ASAP1: variants seen among roughly 807,000 people sequenced by gnomAD.
ASAP1 encodes the protein ArfGAP with SH3 domain, ankyrin repeat and PH domain 1.
Under a neutral mutation model 145.2 loss-of-function variants are expected in ASAP1, and 43 were observed. The observed-to-expected ratio is 0.30, with a 90% CI of 0.23 to 0.38. The LOEUF (loss-of-function observed/expected upper bound fraction) is 0.38, where lower values mean the gene tolerates loss of function less well. ASAP1 is among the 10% of genes least tolerant of loss of function. The pLI is 1.00. For synonymous variants in ASAP1, 546 were observed against 515.5 expected, an observed-to-expected ratio of 1.06 and a Z score of -0.80; for missense variants, 1,018 against 1,355.3, an observed-to-expected ratio of 0.75 and a Z score of 3.91.
intron 28 of ASAP1, among the ~76,000 whole-genome samples, chr8:130,058,746 G>A (rs2097410288): frequency 6.6e-6 from 1 of 152,070 alleles, no homozygotes; most frequent in Non-Finnish European, 1.5e-5. Flanking sequence ...CTGGCTAATT[G>A]GCAATTTTAA....
At chr8:130,187,932 G>A (rs1814850407) in intron 6 of ASAP1, among the ~76,000 whole-genome samples, 177 bp downstream of exon 6, 1 of 152,022 alleles carries the variant, frequency 6.6e-6, no homozygotes, top group African/African-American at 2.4e-5. Context: ...TCATTCCTCT[G>A]TCAATACCAT....
intron 13 of ASAP1, among the ~76,000 whole-genome samples, chr8:130,150,133 A>T (rs771041381): frequency 6.6e-6 from 1 of 152,236 alleles, no homozygotes; most frequent in Admixed American, 6.5e-5. Context: ...TGTGTTAAAT[A>T]CTTTTCTCAA....
At chr8:130,422,551 G>A (rs1347200883) in intron 1 of ASAP1, among the ~76,000 whole-genome samples, 1 of 152,094 alleles carries the variant, frequency 6.6e-6, no homozygotes, top group Non-Finnish European at 1.5e-5. Context: ...AGCTGTCTCT[G>A]TCAAGATTCC....
chr8:130,434,804 A>T (rs1054870102), intron 1 of ASAP1, among the ~76,000 whole-genome samples: 8 of 152,138 alleles, frequency 5.3e-5, no homozygotes, highest in African/African-American at 1.9e-4. Flanking sequence ...TCCTGAGGGA[A>T]CTTCTAGGGG....
At chr8:130,256,739 TTATA>T (rs58245112) in intron 3 of ASAP1, among the ~76,000 whole-genome samples, 1,290 of 95,734 alleles carry the variant, frequency 0.013, 21 homozygotes, top group Middle Eastern at 0.024. Flanking sequence ...ATACACATTC[TTATA>T]TATATATATA....
intron 25 of ASAP1, among the ~76,000 whole-genome samples, chr8:130,085,470 C>G (rs1401215442): frequency 2.0e-5 from 3 of 152,196 alleles, no homozygotes; most frequent in African/African-American, 4.8e-5. Flanking sequence ...TGAAGAGGCT[C>G]ACGCCTGTAA....
intron 27 of ASAP1, among the ~76,000 whole-genome samples, chr8:130,072,822 T>TGTGTGTGTGTGTGCGTGTGC: frequency 3.8e-5 from 1 of 26,058 alleles, no homozygotes; most frequent in East Asian, 1.1e-3. Flanking sequence ...TGTGTGTGTG[T>TGTGTGTGTGTGTGCGTGTGC]GTGCGCGCGG....
intron 24 of ASAP1, among the ~76,000 whole-genome samples, chr8:130,103,659 C>T (rs576496096): frequency 2.6e-5 from 4 of 152,180 alleles, no homozygotes; most frequent in Non-Finnish European, 4.4e-5. Context: ...TGTGCCACCA[C>T]GCCCAGCTAA....
chr8:130,071,897 G>A (rs2097447400), intron 27 of ASAP1, among the ~76,000 whole-genome samples: 1 of 152,192 alleles, frequency 6.6e-6, no homozygotes, highest in Non-Finnish European at 1.5e-5. Flanking sequence ...GTAGGCTGTG[G>A]TGCTATGATA....
At chr8:130,251,279 G>T (rs765439895) in intron 3 of ASAP1, among the ~76,000 whole-genome samples, 34 of 152,096 alleles carry the variant, frequency 2.2e-4, no homozygotes, top group Non-Finnish European at 4.4e-5. Flanking sequence ...TTAGCCCGAT[G>T]TGGTGATGGG....
intron 12 of ASAP1, among the ~76,000 whole-genome samples, chr8:130,157,830 C>T (rs2097661000): frequency 6.6e-6 from 1 of 152,180 alleles, no homozygotes; most frequent in Admixed American, 6.5e-5. Context: ...GCAAGAACCA[C>T]TCCCATCCCC....
In ASAP1 at chr8:130,076,370, A is replaced by G; in HGVS notation, c.2679T>C (p.Val893=). Residue 893 remains valine (V), a synonymous_variant, in exon 27 of 30, where the codon GTT becomes GTC. Transcript: ENST00000518721. ...SSAKTALGPR[V]LPKLPQKVAL... is the part of the protein sequence containing the mutation. The stretch of plus-strand genomic sequence containing the variant: ...TACCTTTCTGAGGTAGTTTAGGAAG[A>G]ACTCTTGGGCCAAGGGCAGTCTTTG... The G allele has an allele frequency of 1.2e-6, 2 of 1,612,446 alleles. No individual in the cohort carries two copies. The highest frequency in any genetic ancestry group is 1.7e-6 in the Non-Finnish European group (2 of 1,179,372).
At chr8:130,311,692 C>CGGA (rs1478585296) in intron 3 of ASAP1, among the ~76,000 whole-genome samples, 2 of 136,262 alleles carry the variant, frequency 1.5e-5, no homozygotes, top group Non-Finnish European at 1.5e-5. Context: ...ACCCGGGAGG[C>CGGA]GGAGGTTGCA....
At chr8:130,389,699 T>C (rs1017579575) in intron 2 of ASAP1, among the ~76,000 whole-genome samples, 4 of 152,192 alleles carry the variant, frequency 2.6e-5, no homozygotes, top group Non-Finnish European at 5.9e-5. Flanking sequence ...GCTTTCTTTT[T>C]ATTTATTTAT....
chr8:130,420,720 C>T (rs1466232170), intron 1 of ASAP1, among the ~76,000 whole-genome samples: 1 of 151,928 alleles, frequency 6.6e-6, no homozygotes, highest in African/African-American at 2.4e-5. Flanking sequence ...ATGGAGAAAC[C>T]CCATCTCTAC....
In ASAP1 at chr8:130,236,922, C is replaced by T; in HGVS notation, c.259G>A (p.Asp87Asn). ...SVKAIYNSGQ[D>N]HVQNEENYAQ... ...TACCTCATTTTTAGTAAGTGCTTAC[C>T]TTGACCAGAATTATATATTGCTTTT... Residue 87 changes from aspartate to asparagine, a missense_variant and splice_region_variant, in exon 4 of 30, where the codon GAT becomes AAT. By Grantham distance (23) the Asp-to-Asn change is conservative. Coordinates refer to ENST00000518721, the MANE Select transcript of ASAP1 (RefSeq NM_018482.4). The T allele has an allele frequency of 6.3e-7, 1 of 1,582,110 alleles. No homozygotes were observed. Among genetic ancestry groups the T allele is most frequent in the Non-Finnish European group, 8.6e-7 (1 of 1,159,572 alleles).
Position 130,285,183 on chromosome 8 carries a change from T to C in ASAP1, c.187-48189A>G, listed in dbSNP as rs1303099524. On this transcript the variant is annotated intron_variant, in intron 3 of 29. Coordinates refer to ENST00000518721, the MANE Select transcript of ASAP1 (RefSeq NM_018482.4). ...CACATTCATTTTCCTACAGCAAGCATGAAAAAAAAGTATTAGTAAAATAAA... is the reference window on the plus strand; with the variant it reads ...CACATTCATTTTCCTACAGCAAGCACGAAAAAAAAGTATTAGTAAAATAAA... Among the ~76,000 whole-genome samples the C allele has an allele frequency of 8.6e-5, 13 of 151,868 alleles. No homozygotes were observed. The East Asian group carries it at 1.7e-3, about 20-fold the overall frequency.
At chr8:130,219,696 A>G (rs900096372) in intron 4 of ASAP1, among the ~76,000 whole-genome samples, 2 of 152,228 alleles carry the variant, frequency 1.3e-5, no homozygotes, top group African/African-American at 4.8e-5. Context: ...AAGAACAGAG[A>G]AATGTGATCC....
intron 3 of ASAP1, among the ~76,000 whole-genome samples, chr8:130,287,662 C>G (rs1247546921): frequency 6.6e-6 from 1 of 152,200 alleles, no homozygotes; most frequent in African/African-American, 2.4e-5. Context: ...TTCTCCTCTG[C>G]AAAATGCGTA....
Sources: allele counts gnomAD v4.1 joint callset (sites outside exome capture counted in the v4.1 genomes callset), GRCh38; gene constraint gnomAD v4.1.1; transcripts MANE v1.5; gene names NCBI Gene and HGNC (gene_info 2026-07-23, HGNC 2026-07-21).